DIAPH3: variants seen among roughly 807,000 people sequenced by gnomAD.
DIAPH3 encodes the protein diaphanous related formin 3.
Under a neutral mutation model 144.3 loss-of-function variants are expected in DIAPH3, and 117 were observed. The observed-to-expected ratio is 0.81, with a 90% confidence interval of 0.70 to 0.95. The LOEUF is 0.95. Among genes scored for constraint, DIAPH3 ranks in the 40% least tolerant of loss-of-function variants. The pLI is 0.00. For missense variants in DIAPH3, 1,421 were observed against 1,412.7 expected, an observed-to-expected ratio of 1.01 and a Z score of -0.09; for synonymous variants, 519 against 488.9, an observed-to-expected ratio of 1.06 and a Z score of -0.81.
At chr13:59,823,871 T>A (rs764589485) in intron 24 of DIAPH3, among the ~76,000 whole-genome samples, 39 of 152,304 alleles carry the variant, frequency 2.6e-4, no homozygotes, top group South Asian at 8.3e-4. Flanking sequence ...CATTTTTGTT[T>A]GGCACTTCAC....
chr13:59,764,172 GCTT>G (rs1411796422), intron 27 of DIAPH3, among the ~76,000 whole-genome samples: 1 of 151,910 alleles, frequency 6.6e-6, no homozygotes, highest in Non-Finnish European at 1.5e-5. Context: ...CCTTGCTCCT[GCTT>G]CATATTCCCA....
At chr13:59,980,686 C>G in intron 14 of DIAPH3, 109 bp downstream of exon 14, 1 of 1,019,570 alleles carries the variant, frequency 9.8e-7, no homozygotes, top group Non-Finnish European at 1.5e-6. Flanking sequence ...ATGCACACAC[C>G]TGAAGCAGAT....
chr13:59,897,719 G>C (rs1475585652), intron 20 of DIAPH3, among the ~76,000 whole-genome samples: 1 of 150,698 alleles, frequency 6.6e-6, no homozygotes, highest in Non-Finnish European at 1.5e-5. Context: ...TTGCACTCCA[G>C]CCTGGGCAAC....
chr13:59,846,891 C>T (rs1311984345), intron 22 of DIAPH3, among the ~76,000 whole-genome samples: 1 of 152,102 alleles, frequency 6.6e-6, no homozygotes, highest in African/African-American at 2.4e-5. Flanking sequence ...GACTGGGCAA[C>T]ACAGTGAAAC....
intron 1 of DIAPH3, among the ~76,000 whole-genome samples, chr13:60,140,829 C>G (rs1034253386): frequency 3.1e-5 from 2 of 64,186 alleles, no homozygotes; most frequent in Non-Finnish European, 6.6e-5. Context: ...TAAAAAACAT[C>G]TAATAAATAT....
intron 21 of DIAPH3, among the ~76,000 whole-genome samples, chr13:59,873,344 A>G (rs1418345102): frequency 6.6e-6 from 1 of 152,156 alleles, no homozygotes; most frequent in Non-Finnish European, 1.5e-5. Flanking sequence ...TTAAAAATAA[A>G]TTCATAGAGT....
At position 60,107,710 on chromosome 13, in the gene DIAPH3, T is replaced by G. The variant is rs542548388; in HGVS notation, c.390+4300A>C. Among the ~76,000 whole-genome samples, 25 of 152,310 alleles carry G rather than the reference T, an allele frequency of 1.6e-4. 1 individual carries two copies. Among genetic ancestry groups the G allele is most frequent in the Middle Eastern group, 3.4e-3 (1 of 294 alleles). Reference sequence around the variant, plus strand: ...TTACAAAAAAGCCTGATAAACATCTTCCCAGTAAAAGAATAGAACATCACT... The same window carrying G: ...TTACAAAAAAGCCTGATAAACATCTGCCCAGTAAAAGAATAGAACATCACT... On this transcript the variant is annotated intron_variant, in intron 3 of 27. Coordinates refer to ENST00000400324, the MANE Select transcript of DIAPH3 (RefSeq NM_001042517.2).
At chr13:59,712,830 T>C (rs2034822410) in intron 27 of DIAPH3, among the ~76,000 whole-genome samples, 1 of 152,212 alleles carries the variant, frequency 6.6e-6, no homozygotes, top group Non-Finnish European at 1.5e-5. Context: ...GCAACCTTTT[T>C]GGCACCAGGG....
Position 59,768,275 on chromosome 13 carries a change from C to CA in DIAPH3, c.3319+5913dup, listed in dbSNP as rs540032793. Among the ~76,000 whole-genome samples, 10 of 151,986 alleles carry CA rather than the reference C, an allele frequency of 6.6e-5. No individual in the cohort carries two copies. The South Asian group carries it at 1.9e-3, about 28-fold the overall frequency. On this transcript the variant is annotated intron_variant, in intron 27 of 27. Coordinates refer to ENST00000400324, the MANE Select transcript of DIAPH3 (RefSeq NM_001042517.2). Reference sequence around the variant, plus strand: ...AGGCATGAGTTCATCAGGAAAAGAACAAAAAATACTCTCAAAAAATAGGCC... The same window carrying CA: ...AGGCATGAGTTCATCAGGAAAAGAACAAAAAAATACTCTCAAAAAATAGGCC...
intron 4 of DIAPH3, among the ~76,000 whole-genome samples, chr13:60,070,045 AC>A (rs2057139349): frequency 6.6e-6 from 1 of 152,148 alleles, no homozygotes; most frequent in African/African-American, 2.4e-5. Context: ...TAGGAATAGC[AC>A]TGAATCTTCA....
At chr13:60,112,416 C>T (rs1022785124) in intron 2 of DIAPH3, among the ~76,000 whole-genome samples, 2 of 152,134 alleles carry the variant, frequency 1.3e-5, no homozygotes, top group African/African-American at 2.4e-5. Context: ...TGAAAGATTC[C>T]TTCTAATCTT....
chr13:60,156,940 T>TATATATATATATATATATATATATA (rs58923567), intron 1 of DIAPH3, among the ~76,000 whole-genome samples: 4 of 27,902 alleles, frequency 1.4e-4, no homozygotes, highest in Admixed American at 5.2e-4. Context: ...TATATATATA[T>TATATATATATATATATATATATATA]TTTTTTTTTT....
At chr13:60,086,964 G>A (rs1199245623) in intron 4 of DIAPH3, among the ~76,000 whole-genome samples, 1 of 152,168 alleles carries the variant, frequency 6.6e-6, no homozygotes, top group African/African-American at 2.4e-5. Context: ...CCAGAATCCA[G>A]AGATGCTCCA....
intron 24 of DIAPH3, 125 bp downstream of exon 24, chr13:59,832,982 T>C (rs1355083862): frequency 1.2e-6 from 1 of 807,382 alleles, no homozygotes; most frequent in African/African-American, 1.7e-5. Context: ...ATCTGAAATT[T>C]TATAGCTTTC....
intron 25 of DIAPH3, among the ~76,000 whole-genome samples, chr13:59,801,804 C>T (rs529511601): frequency 2.0e-5 from 3 of 152,314 alleles, no homozygotes; most frequent in South Asian, 4.1e-4. Context: ...TTTTAAAATC[C>T]TATTACAAAA....
intron 22 of DIAPH3, among the ~76,000 whole-genome samples, chr13:59,847,356 G>A (rs1392159894): frequency 6.6e-6 from 1 of 152,226 alleles, no homozygotes; most frequent in East Asian, 1.9e-4. Context: ...GAGAAGGCAA[G>A]TAGAGGAAAT....
intron 27 of DIAPH3, among the ~76,000 whole-genome samples, chr13:59,729,185 C>T (rs570338502): frequency 6.6e-6 from 1 of 152,254 alleles, no homozygotes; most frequent in East Asian, 1.9e-4. Context: ...AGTCAGTGGA[C>T]TGGGTCAAAA....
chr13:60,133,343 G>GA lies in DIAPH3; in HGVS notation c.181-355dup, dbSNP rs376804810. Among the ~76,000 whole-genome samples the GA allele has an allele frequency of 2.3e-3, 345 of 151,894 alleles. 3 individuals carry two copies. Among genetic ancestry groups the GA allele is most frequent in the African/African-American group, 8.0e-3 (332 of 41,462 alleles). ...ATCTGTCTGAGAATGAGGGCACATA[G>GA]AAAAAATAAAATGAAAAAGAACACT... On this transcript the variant is annotated intron_variant, in intron 1 of 27. Transcript: ENST00000400324.
chr13:59,840,555 GT>G (rs2042284712), intron 22 of DIAPH3, among the ~76,000 whole-genome samples: 1 of 151,158 alleles, frequency 6.6e-6, no homozygotes, highest in African/African-American at 2.4e-5. Flanking sequence ...GTGTTTTATT[GT>G]TTTTTTAACC....
Sources: allele counts gnomAD v4.1 joint callset (sites outside exome capture counted in the v4.1 genomes callset), GRCh38; gene constraint gnomAD v4.1.1; transcripts MANE v1.5; gene names NCBI Gene and HGNC (gene_info 2026-07-23, HGNC 2026-07-21).